TCAP: variants seen among roughly 807,000 people sequenced by gnomAD.
The protein encoded by TCAP is telethonin.
A neutral mutation model predicts 16.6 loss-of-function variants in TCAP; 14 were observed. The ratio of observed to expected loss-of-function variants is 0.84; its 90% CI spans 0.56 to 1.32. The LOEUF is 1.32. Among genes scored for constraint, TCAP ranks in the 40% most tolerant of loss-of-function variants. TCAP has a pLI of 0.00. For synonymous variants in TCAP, 97 were observed against 93.2 expected, an observed-to-expected ratio of 1.04 and a Z score of -0.23; for missense variants, 212 against 223.5, an observed-to-expected ratio of 0.95 and a Z score of 0.33.
Position 39,666,385 on chromosome 17 carries a change from G to T in TCAP, c.*276G>T. 1 of 557,014 alleles carries T rather than the reference G, an allele frequency of 1.8e-6. No homozygotes were observed. Among genetic ancestry groups the T allele is most frequent in the Admixed American group, 3.1e-5 (1 of 32,564 alleles). 34.5% of individuals were successfully genotyped at this position (557,014 alleles called of 1,614,324 possible). On this transcript the variant is annotated 3_prime_UTR_variant, in exon 2 of 2. Coordinates refer to ENST00000309889, the MANE Select transcript of TCAP (RefSeq NM_003673.4). ...GGACAAAAGGTACTGGTGAGGGCAA[G>T]AGGTGCCTGGGAGGAGTGGCCCTGA... is the stretch of plus-strand genomic sequence containing the variant.
chr17:39,666,289 CAG>C lies in TCAP; in HGVS notation c.*184_*185del. ...CCCTGAGTTCCCAAAGGGAGGGTGG[CAG>C]AGACAGTGGGCACTAAGGGTGGAGA... On this transcript the variant is annotated 3_prime_UTR_variant, in exon 2 of 2. Transcript: ENST00000309889. 3 of 802,114 alleles carry C rather than the reference CAG, an allele frequency of 3.7e-6. No homozygotes were observed. Among genetic ancestry groups the C allele is most frequent in the Non-Finnish European group, 6.0e-6 (3 of 495,998 alleles). 49.7% of individuals were successfully genotyped at this position (802,114 alleles called of 1,614,324 possible).
At chr17:39,665,657 C>A (rs1437215419) in intron 1 of TCAP, 59 bp from the exon 2 acceptor site, 2 of 1,562,218 alleles carry the variant, frequency 1.3e-6, no homozygotes, top group East Asian at 2.3e-5. Context: ...GCCCCCCACC[C>A]AGCCTGTGCC....
chr17:39,666,076 C>G lies in TCAP; in HGVS notation c.471C>G (p.Ser157=), dbSNP rs2145074949. 1 of 1,602,420 alleles carries G rather than the reference C, an allele frequency of 6.2e-7. No homozygotes were observed. The highest frequency in any genetic ancestry group is 8.5e-7 in the Non-Finnish European group (1 of 1,179,816). ...CCGGTGCACTTCGTCGCTCCCTGTCCCGCTCCATGTCCCAGGAAGCACAGA... is the reference window on the plus strand; with the variant it reads ...CCGGTGCACTTCGTCGCTCCCTGTCGCGCTCCATGTCCCAGGAAGCACAGA... ...SKPGALRRSL[S]RSMSQEAQRG is the part of the protein sequence containing the mutation. Residue 157 remains serine, a synonymous_variant, in exon 2 of 2, where the codon TCC becomes TCG. Transcript: ENST00000309889.
Position 39,666,546 on chromosome 17 carries a change from T to G in TCAP, c.*437T>G. The G allele has an allele frequency of 4.3e-6, 1 of 230,562 alleles. No homozygotes were observed. Among genetic ancestry groups the G allele is most frequent in the Admixed American group, 4.9e-5 (1 of 20,202 alleles). The allele number at this position is 230,562 out of a possible 1,614,324, so 14.3% of individuals were successfully genotyped here. A position where few individuals can be genotyped will look rare whatever the true frequency, so the allele number is the denominator to read the frequency against. ...TAGTGCCGCAATAAATGCTCAATCA[T>G]GTGCCAGAGTTGCATCTCTTTCCTT... On this transcript the variant is annotated 3_prime_UTR_variant, in exon 2 of 2. Transcript: ENST00000309889.
Position 39,665,614 on chromosome 17 carries a change from C to A in TCAP, c.111-102C>A, listed in dbSNP as rs1006207916. ...ATGGGGAGAGCAAAGGGGAACCACC[C>A]TTCCTGCCCCCAGGTCCCAGCAGCC... On this transcript the variant is annotated intron_variant, in intron 1 of 1. Coordinates refer to ENST00000309889, the MANE Select transcript of TCAP (RefSeq NM_003673.4). The A allele has an allele frequency of 3.5e-6, 5 of 1,432,784 alleles. No individual in the cohort carries two copies. The East Asian group carries it at 1.2e-4, about 34-fold the overall frequency. 88.8% of individuals were successfully genotyped at this position (1,432,784 alleles called of 1,614,324 possible).
chr17:39,665,748 A>T lies in TCAP; in HGVS notation c.143A>T (p.His48Leu), dbSNP rs763037167. ...CTGCATGAGGAGGACACCCAGAGAC[A>T]TGAGACCTACCACCAGCAGGGGCAG... The part of the protein sequence containing the change: ...CSLHEEDTQR[H>L]ETYHQQGQCQ... Residue 48 changes from histidine to leucine, a missense_variant, in exon 2 of 2, where the codon CAT becomes CTT. By Grantham distance (99) the His-to-Leu change is moderately conservative. Coordinates refer to ENST00000309889, the MANE Select transcript of TCAP (RefSeq NM_003673.4). The T allele has an allele frequency of 6.2e-7, 1 of 1,610,940 alleles. No homozygotes were observed. The highest frequency in any genetic ancestry group is 2.2e-5 in the East Asian group (1 of 44,858).
rs1468817128 is a variant in TCAP at position 39,665,766 on chromosome 17, A to AGGGGCAGTGCCAGGTGCT, written c.164_181dup (p.Gly55_Leu60dup). 6.2e-7 allele frequency: 1 copy of AGGGGCAGTGCCAGGTGCT among 1,610,554 alleles called. No individual in the cohort carries two copies. The highest frequency in any genetic ancestry group is 8.5e-7 in the Non-Finnish European group (1 of 1,178,882). On this transcript the variant is annotated inframe_insertion, in exon 2 of 2. Transcript: ENST00000309889. ...CAGAGACATGAGACCTACCACCAGC[A>AGGGGCAGTGCCAGGTGCT]GGGGCAGTGCCAGGTGCTGGTGCAG... is the stretch of plus-strand genomic sequence containing the variant.
rs1314662604 is a variant in TCAP, at chr17:39,665,962, G to A, written c.357G>A (p.Leu119=). 6.2e-7 allele frequency: 1 copy of A among 1,612,998 alleles called. No homozygotes were observed. ...TPIQLQELLA[L]ETALGGQCVD... is the part of the protein sequence containing the mutation. Reference sequence around the variant, plus strand: ...TCCAGCTTCAGGAGCTGCTGGCGCTGGAGACAGCCCTGGGTGGCCAGTGTG... The same window carrying A: ...TCCAGCTTCAGGAGCTGCTGGCGCTAGAGACAGCCCTGGGTGGCCAGTGTG... The change falls in exon 2 of 2, where the codon CTG becomes CTA. Residue 119 remains leucine, a synonymous_variant. Coordinates refer to ENST00000309889, the MANE Select transcript of TCAP (RefSeq NM_003673.4).
Position 39,665,900 on chromosome 17 carries a change from A to G in TCAP, c.295A>G (p.Met99Val), listed in dbSNP as rs767577344. Residue 99 changes from methionine to valine, a missense_variant, in exon 2 of 2, where the codon ATG becomes GTG. Coordinates refer to ENST00000309889, the MANE Select transcript of TCAP (RefSeq NM_003673.4). ...LPLPIFTPAK[M>V]GATKEEREDT... is the part of the protein sequence containing the mutation. ...GCTGCCCATCTTCACCCCTGCCAAG[A>G]TGGGCGCCACCAAGGAGGAGCGTGA... The G allele has an allele frequency of 1.6e-5, 26 of 1,612,472 alleles. No homozygotes were observed. The highest frequency in any genetic ancestry group is 2.7e-5 in the African/African-American group (2 of 74,890).
In TCAP at chr17:39,666,163, G is replaced by C. The variant is rs45592941; in HGVS notation, c.*54G>C. ...CCCGCCCTGGGCTGGGCCCTTCCTG[G>C]CTAGGACTGTGGAGGGGAGCTGCTG... On this transcript the variant is annotated 3_prime_UTR_variant, in exon 2 of 2. Coordinates refer to ENST00000309889, the MANE Select transcript of TCAP (RefSeq NM_003673.4). 1 of 1,596,892 alleles carries C rather than the reference G, an allele frequency of 6.3e-7. No homozygotes were observed. The highest frequency in any genetic ancestry group is 8.5e-7 in the Non-Finnish European group (1 of 1,178,576).
chr17:39,666,050 C>G lies in TCAP; in HGVS notation c.445C>G (p.Pro149Ala), dbSNP rs932397209. ...QLPPVVPVSK[P>A]GALRRSLSRS... The stretch of plus-strand genomic sequence containing the variant: ...GCCCCCTGTGGTGCCTGTCAGCAAG[C>G]CCGGTGCACTTCGTCGCTCCCTGTC... Residue 149 changes from proline (P) to alanine (A), a missense_variant, in exon 2 of 2, where the codon CCC becomes GCC. By Grantham distance (27) the Pro-to-Ala change is conservative. Transcript: ENST00000309889. 1 of 1,608,330 alleles carries G rather than the reference C, an allele frequency of 6.2e-7. No homozygotes were observed. Among genetic ancestry groups the G allele is most frequent in the East Asian group, 2.2e-5 (1 of 44,880 alleles).
In TCAP at chr17:39,665,371, A is replaced by G; in HGVS notation, c.12A>G (p.Ser4=). 6.2e-7 allele frequency: 1 copy of G among 1,613,342 alleles called. No homozygotes were observed. The highest frequency in any genetic ancestry group is 8.5e-7 in the Non-Finnish European group (1 of 1,179,578). Residue 4 remains serine, a synonymous_variant, in exon 1 of 2, where the codon TCA becomes TCG. Transcript: ENST00000309889. ...AATGAGGAGTGATCATGGCTACCTC[A>G]GAGCTGAGCTGCGAGGTGTCGGAGG... MAT[S]ELSCEVSEEN...
chr17:39,665,987 G>A lies in TCAP; in HGVS notation c.382G>A (p.Val128Met). 1 of 1,612,744 alleles carries A rather than the reference G, an allele frequency of 6.2e-7. No homozygotes were observed. Among genetic ancestry groups the A allele is most frequent in the Non-Finnish European group, 8.5e-7 (1 of 1,179,978 alleles). ...GGAGACAGCCCTGGGTGGCCAGTGT[G>A]TGGACCGCCAGGAGGTGGCTGAGAT... ...ALETALGGQCVDRQEVAEITK... is the reference protein window; with the variant it reads ...ALETALGGQCMDRQEVAEITK... Residue 128 changes from valine to methionine, a missense_variant, in exon 2 of 2, where the codon GTG becomes ATG. Transcript: ENST00000309889.
rs2057256889 is a variant in TCAP at position 39,666,493 on chromosome 17, G to C, written c.*384G>C. The C allele has an allele frequency of 6.3e-6, 2 of 316,158 alleles. No individual in the cohort carries two copies. Among genetic ancestry groups the C allele is most frequent in the Non-Finnish European group, 1.2e-5 (2 of 164,200 alleles). The allele number at this position is 316,158 out of a possible 1,614,324, so 19.6% of individuals were successfully genotyped here. ...GGGGAGGTGAAAAGGGCAGAGGCAA[G>C]GATGGTGGGGCCCCCAGCACCCTCT... On this transcript the variant is annotated 3_prime_UTR_variant, in exon 2 of 2. Coordinates refer to ENST00000309889, the MANE Select transcript of TCAP (RefSeq NM_003673.4).
chr17:39,666,262 C>A lies in TCAP; in HGVS notation c.*153C>A. On this transcript the variant is annotated 3_prime_UTR_variant, in exon 2 of 2. Coordinates refer to ENST00000309889, the MANE Select transcript of TCAP (RefSeq NM_003673.4). Reference sequence around the variant, plus strand: ...GGAGCCAGAGGCCAGGATGCCTGAGCCCCCTGAGTTCCCAAAGGGAGGGTG... The same window carrying A: ...GGAGCCAGAGGCCAGGATGCCTGAGACCCCTGAGTTCCCAAAGGGAGGGTG... 9.6e-7 allele frequency: 1 copy of A among 1,043,598 alleles called. No individual in the cohort carries two copies. 64.6% of individuals were successfully genotyped at this position (1,043,598 alleles called of 1,614,324 possible).
At position 39,666,058 on chromosome 17, in the gene TCAP, A is replaced by C. The variant is rs1053651; in HGVS notation, c.453A>C (p.Ala151=). The C allele has an allele frequency of 0.7, 1,128,364 of 1,605,596 alleles. 402,445 individuals are homozygous for C. Among genetic ancestry groups the C allele is most frequent in the South Asian group, 0.75 (67,893 of 91,086 alleles). ...PPVVPVSKPG[A]LRRSLSRSMS... ...TGGTGCCTGTCAGCAAGCCCGGTGC[A>C]CTTCGTCGCTCCCTGTCCCGCTCCA... is the stretch of plus-strand genomic sequence containing the variant. Residue 151 remains alanine, a synonymous_variant, in exon 2 of 2, where the codon GCA becomes GCC. Coordinates refer to ENST00000309889, the MANE Select transcript of TCAP (RefSeq NM_003673.4).
rs1282445039 is a variant in TCAP at position 39,665,447 on chromosome 17, C to T, written c.88C>T (p.Leu30=). 1 of 1,613,554 alleles carries T rather than the reference C, an allele frequency of 6.2e-7. No individual in the cohort carries two copies. Among genetic ancestry groups the T allele is most frequent in the East Asian group, 2.2e-5 (1 of 44,864 alleles). The change falls in exon 1 of 2, where the codon CTG becomes TTG. Residue 30 remains leucine, a synonymous_variant. Coordinates refer to ENST00000309889, the MANE Select transcript of TCAP (RefSeq NM_003673.4). ...AFWAEWKDLT[L]STRPEEGCSL... ...CTGGGCAGAATGGAAGGATCTGACA[C>T]TGTCCACACGGCCCGAGGAGGGGTG...
chr17:39,665,586 C>T, intron 1 of TCAP, 117 bp downstream of exon 1: 1 of 1,403,338 alleles, frequency 7.1e-7, no homozygotes, highest in South Asian at 1.2e-5. Context: ...GGAAGAATGC[C>T]CCATGGGGAG....
intron 1 of TCAP, 23 bp from the exon 2 acceptor site, chr17:39,665,693 C>T: frequency 6.2e-7 from 1 of 1,601,956 alleles, no homozygotes; most frequent in Non-Finnish European, 8.5e-7. Flanking sequence ...CCCAGGAGCT[C>T]ACTGCCCCTC....
Sources: allele counts gnomAD v4.1 joint callset, GRCh38; gene constraint gnomAD v4.1.1; transcripts MANE v1.5; gene names NCBI Gene and HGNC (gene_info 2026-07-23, HGNC 2026-07-21).